SNTG1: variants seen among roughly 807,000 people sequenced by gnomAD.
SNTG1 encodes the protein syntrophin gamma 1.
A neutral mutation model predicts 74.7 loss-of-function variants in SNTG1; 39 were observed. The ratio of observed to expected loss-of-function variants is 0.52; its 90% CI spans 0.40 to 0.68. The LOEUF (loss-of-function observed/expected upper bound fraction) is 0.68. Ranked by LOEUF, SNTG1 falls within the 30% of genes least tolerant of loss-of-function variation. The probability of loss-of-function intolerance (pLI) is 0.00; values close to 1 mark genes in which losing one functional copy is unlikely to be tolerated. For synonymous variants in SNTG1, 254 were observed against 217.1 expected (o/e 1.17, Z -1.49); for missense variants, 685 against 609.5 (o/e 1.12, Z -1.30).
At chr8:50,675,454 T>C (rs577365470) in intron 15 of SNTG1, among the ~76,000 whole-genome samples, 1 of 152,194 alleles carries the variant, frequency 6.6e-6, no homozygotes, top group South Asian at 2.1e-4. Context: ...TGGTTTAAAG[T>C]CTGTTTTTTC....
At chr8:50,503,832 G>A (rs2093984019) in intron 9 of SNTG1, among the ~76,000 whole-genome samples, 1 of 152,188 alleles carries the variant, frequency 6.6e-6, no homozygotes, top group Non-Finnish European at 1.5e-5. Flanking sequence ...AAATAAAGCT[G>A]CTGGAAACGT....
chr8:50,039,254 G>A (rs1178584041), intron 1 of SNTG1, among the ~76,000 whole-genome samples: 1 of 151,956 alleles, frequency 6.6e-6, no homozygotes, highest in Non-Finnish European at 1.5e-5. Flanking sequence ...AGGAGATCGA[G>A]ACCATCCTGG....
intron 1 of SNTG1, among the ~76,000 whole-genome samples, chr8:50,129,719 T>C (rs1471947185): frequency 1.3e-5 from 2 of 152,288 alleles, no homozygotes; most frequent in Non-Finnish European, 2.9e-5. Context: ...TTCAATCTCA[T>C]AGTCAACAAT....
At chr8:49,955,251 T>C (rs1235249561) in intron 1 of SNTG1, among the ~76,000 whole-genome samples, 1 of 152,246 alleles carries the variant, frequency 6.6e-6, no homozygotes, top group Non-Finnish European at 1.5e-5. Flanking sequence ...TCACTCTTTG[T>C]TTTTTGCTAG....
intron 2 of SNTG1, among the ~76,000 whole-genome samples, chr8:50,293,554 C>T (rs781291439): frequency 6.6e-6 from 1 of 151,890 alleles, no homozygotes; most frequent in Non-Finnish European, 1.5e-5. Flanking sequence ...GGATTACAGG[C>T]ATGCACCAAA....
At chr8:50,073,856 C>T (rs781428183) in intron 1 of SNTG1, among the ~76,000 whole-genome samples, 6 of 150,862 alleles carry the variant, frequency 4.0e-5, no homozygotes, top group Non-Finnish European at 8.8e-5. Context: ...CAGGTCTTAA[C>T]AGTGGGCTTA....
Position 50,792,952 on chromosome 8 carries a change from G to C in SNTG1, c.*123G>C. The C allele has an allele frequency of 8.8e-7, 1 of 1,141,464 alleles. No individual in the cohort carries two copies. The highest frequency in any genetic ancestry group is 1.6e-5 in the African/African-American group (1 of 63,592). The allele number at this position is 1,141,464 out of a possible 1,614,324, so 70.7% of individuals were successfully genotyped here. A position where few individuals can be genotyped will look rare whatever the true frequency, so the allele number is the denominator to read the frequency against. On this transcript the variant is annotated 3_prime_UTR_variant, in exon 19 of 19. Transcript: ENST00000642720. ...GACAGTGGAGGCAAATCAAAATTTC[G>C]GCAGAAAAAGAAGGTCATGTGGAAC...
chr8:49,931,139 CAGAT>C (rs1448464751), intron 1 of SNTG1, among the ~76,000 whole-genome samples: 1 of 152,238 alleles, frequency 6.6e-6, no homozygotes, highest in Middle Eastern at 3.4e-3. Context: ...GCCATAAAAA[CAGAT>C]AGACCAAACA....
chr8:50,097,418 T>C (rs2079967285), intron 1 of SNTG1, among the ~76,000 whole-genome samples: 1 of 152,204 alleles, frequency 6.6e-6, no homozygotes, highest in Non-Finnish European at 1.5e-5. Flanking sequence ...TTTAGAGTAG[T>C]GTCAACCACA....
chr8:50,774,628 A>G (rs2095635412), intron 18 of SNTG1, among the ~76,000 whole-genome samples: 1 of 151,890 alleles, frequency 6.6e-6, no homozygotes, highest in Non-Finnish European at 1.5e-5. Context: ...CACACTTAGA[A>G]ATAATAAAAA....
intron 1 of SNTG1, among the ~76,000 whole-genome samples, chr8:49,962,826 C>G (rs1166817498): frequency 6.6e-6 from 1 of 152,194 alleles, no homozygotes; most frequent in Admixed American, 6.5e-5. Flanking sequence ...CTCTTGACCT[C>G]AAGTTGTTCC....
chr8:50,026,890 T>G (rs1484807), intron 1 of SNTG1, among the ~76,000 whole-genome samples: 125,701 of 151,742 alleles, frequency 0.83, 52,216 homozygotes, highest in East Asian at 0.95. Context: ...CAATTAAACA[T>G]GTAGATAAGT....
At chr8:50,306,727 CT>C (rs34599292) in intron 2 of SNTG1, among the ~76,000 whole-genome samples, 2 of 151,620 alleles carry the variant, frequency 1.3e-5, no homozygotes, top group Non-Finnish European at 1.5e-5. Context: ...CATTTGCCTA[CT>C]TTTTGATGGA....
chr8:50,450,899 G>T (rs1316386581), intron 8 of SNTG1, among the ~76,000 whole-genome samples, 170 bp downstream of exon 8: 1 of 151,862 alleles, frequency 6.6e-6, no homozygotes, highest in Non-Finnish European at 1.5e-5. Context: ...ATAGATTAAC[G>T]AGTCCTATCA....
At chr8:50,778,682 T>G (rs1379642490) in intron 18 of SNTG1, among the ~76,000 whole-genome samples, 4 of 127,888 alleles carry the variant, frequency 3.1e-5, no homozygotes, top group Non-Finnish European at 5.9e-5. Flanking sequence ...TAGTTTCTTT[T>G]GCTGTGCAGA....
intron 1 of SNTG1, among the ~76,000 whole-genome samples, chr8:50,047,376 TA>T (rs1426257597): frequency 3.3e-5 from 5 of 152,122 alleles, no homozygotes; most frequent in Non-Finnish European, 7.3e-5. Context: ...CAATCATTAA[TA>T]TTATCATTTA....
At chr8:50,538,940 C>A (rs111546265) in intron 11 of SNTG1, among the ~76,000 whole-genome samples, 5,664 of 152,084 alleles carry the variant, frequency 0.037, 368 homozygotes, top group African/African-American at 0.13. Flanking sequence ...AATTTTATTT[C>A]CTGTCATTTA....
intron 1 of SNTG1, among the ~76,000 whole-genome samples, chr8:49,912,777 T>G (rs908380188): frequency 2.0e-5 from 3 of 152,298 alleles, no homozygotes; most frequent in East Asian, 3.9e-4. Flanking sequence ...ACACTCATAT[T>G]TTTACTTAGC....
chr8:50,553,013 A>C (rs769046480), intron 11 of SNTG1, 37 bp from the exon 12 acceptor site: 1 of 1,610,280 alleles, frequency 6.2e-7, no homozygotes, highest in Non-Finnish European at 8.5e-7. Context: ...GATCAATGAC[A>C]TGAGGTTTTG....
Sources: allele counts gnomAD v4.1 joint callset (sites outside exome capture counted in the v4.1 genomes callset), GRCh38; gene constraint gnomAD v4.1.1; transcripts MANE v1.5; gene names NCBI Gene and HGNC (gene_info 2026-07-23, HGNC 2026-07-21).